The following DCLK2 variants were observed in gnomAD, a reference collection of about 807,000 sequenced individuals.
The protein encoded by DCLK2 is serine/threonine-protein kinase DCLK2.
DCLK2 carries 31 observed loss-of-function variants against 78.4 expected under a neutral mutation model. The ratio of observed to expected loss-of-function variants is 0.40; its 90% confidence interval spans 0.30 to 0.53. The LOEUF is 0.53. Among genes scored for constraint, DCLK2 ranks in the 20% least tolerant of loss-of-function variants. The pLI is 0.61. For synonymous variants in DCLK2, 407 were observed against 374.9 expected (o/e 1.09, Z -0.99); for missense variants, 872 against 973.7 (o/e 0.90, Z 1.39).
At chr4:150,126,574 G>A (rs1225931483) in intron 2 of DCLK2, among the ~76,000 whole-genome samples, 4 of 152,134 alleles carry the variant, frequency 2.6e-5, no homozygotes, top group African/African-American at 7.2e-5. Flanking sequence ...ATGGTAATAT[G>A]TATTTTAGGT....
At chr4:150,238,351 T>C (rs1315553638) in intron 10 of DCLK2, among the ~76,000 whole-genome samples, 3 of 152,208 alleles carry the variant, frequency 2.0e-5, no homozygotes, top group African/African-American at 7.2e-5. Context: ...TATGTTGCCC[T>C]TAGTTTTTAA....
At chr4:150,235,959 C>T (rs570328484) in intron 10 of DCLK2, among the ~76,000 whole-genome samples, 10 of 152,194 alleles carry the variant, frequency 6.6e-5, no homozygotes, top group African/African-American at 2.2e-4. Flanking sequence ...CTGGTGGTAC[C>T]GTGTCAGAGT....
Position 150,232,722 on chromosome 4 carries a change from A to T in DCLK2, c.1460A>T (p.Tyr487Phe), listed in dbSNP as rs775674700. ...GATGCAATTACTTCGTCGACCAAGT[A>T]CACTGAGAGAGATGGCAGTGCCATG... is the stretch of plus-strand genomic sequence containing the variant. ...LFDAITSSTK[Y>F]TERDGSAMVY... Residue 487 changes from tyrosine to phenylalanine, a missense_variant, in exon 10 of 16, where the codon TAC becomes TTC. Transcript: ENST00000296550. The T allele has an allele frequency of 5.0e-6, 8 of 1,614,130 alleles. No individual in the cohort carries two copies. Among genetic ancestry groups the T allele is most frequent in the Non-Finnish European group, 6.8e-6 (8 of 1,179,966 alleles).
chr4:150,103,119 A>C (rs908377774), intron 2 of DCLK2, among the ~76,000 whole-genome samples: 4 of 152,176 alleles, frequency 2.6e-5, no homozygotes, highest in Admixed American at 6.5e-5. Context: ...GAGACATCCT[A>C]CGTTAAATGG....
chr4:150,228,510 A>T (rs1270006539), intron 8 of DCLK2, among the ~76,000 whole-genome samples: 1 of 152,076 alleles, frequency 6.6e-6, no homozygotes, highest in African/African-American at 2.4e-5. Context: ...GGTAACCAAA[A>T]CCTCCACAAG....
Position 150,212,620 on chromosome 4 carries a change from A to T in DCLK2, c.1057-8083A>T, listed in dbSNP as rs145101041. Among the ~76,000 whole-genome samples, 563 of 152,324 alleles carry T rather than the reference A, an allele frequency of 3.7e-3. 3 individuals are homozygous for T. Among genetic ancestry groups the T allele is most frequent in the African/African-American group, 0.013 (543 of 41,570 alleles). ...AAGTGCCCTAACAAAATAAGTCATA[A>T]TGCATCTCACACTTTGAGGACAGTG... On this transcript the variant is annotated intron_variant, in intron 5 of 15. Coordinates refer to ENST00000296550, the MANE Select transcript of DCLK2 (RefSeq NM_001040260.4).
At chr4:150,142,397 C>A (rs2150215335) in intron 2 of DCLK2, among the ~76,000 whole-genome samples, 1 of 152,292 alleles carries the variant, frequency 6.6e-6, no homozygotes, top group South Asian at 2.1e-4. Flanking sequence ...GTTTCTAAAC[C>A]ATGGCACCCT....
At chr4:150,207,266 T>A (rs1475114721) in intron 5 of DCLK2, among the ~76,000 whole-genome samples, 1 of 152,138 alleles carries the variant, frequency 6.6e-6, no homozygotes, top group Non-Finnish European at 1.5e-5. Context: ...GGACACAGCT[T>A]TTGGCATTGA....
rs1738522754 is a variant in DCLK2 at position 150,192,444 on chromosome 4, C to T, written c.757-694C>T. Among the ~76,000 whole-genome samples, 3 of 143,902 alleles carry T rather than the reference C, an allele frequency of 2.1e-5. No homozygotes were observed. The South Asian group carries it at 6.6e-4, about 32-fold the overall frequency. 94.4% of individuals were successfully genotyped at this position (143,902 alleles called of 152,430 possible). ...GCAGTGAGCCGAAATCGCACCACTGCACTCCAGCCTGGTGACAGAGCAAGA... is the reference window on the plus strand; with the variant it reads ...GCAGTGAGCCGAAATCGCACCACTGTACTCCAGCCTGGTGACAGAGCAAGA... On this transcript the variant is annotated intron_variant, in intron 2 of 15. Coordinates refer to ENST00000296550, the MANE Select transcript of DCLK2 (RefSeq NM_001040260.4).
rs1348245109 is a variant in DCLK2 at position 150,175,116 on chromosome 4, ATT to A, written c.757-18017_757-18016del. 1.7e-4 allele frequency among the ~76,000 whole-genome samples: 16 copies of A among 91,536 alleles called. 1 individual carries two copies. The highest frequency in any genetic ancestry group is 5.8e-4 in the African/African-American group (9 of 15,416). 60.1% of individuals were successfully genotyped at this position (91,536 alleles called of 152,430 possible). A position where few individuals can be genotyped will look rare whatever the true frequency, so the allele number is the denominator to read the frequency against. On this transcript the variant is annotated intron_variant, in intron 2 of 15. Transcript: ENST00000296550. ...TATTTATATATATTTATATATTTATATTTTTTATATATATATAATTTATGTAT... is the reference window on the plus strand; with the variant it reads ...TATTTATATATATTTATATATTTATATTTTATATATATATAATTTATGTAT...
chr4:150,254,289 G>A (rs1397010682), intron 15 of DCLK2: 6 of 397,452 alleles, frequency 1.5e-5, no homozygotes, highest in Non-Finnish European at 2.7e-5. Flanking sequence ...GGAAGGATTT[G>A]GGTTTATTGC....
intron 2 of DCLK2, among the ~76,000 whole-genome samples, chr4:150,134,445 G>A (rs780749370): frequency 3.3e-5 from 5 of 152,068 alleles, no homozygotes; most frequent in East Asian, 3.9e-4. Context: ...AATTAGATAC[G>A]GCAGTGCTTG....
intron 8 of DCLK2, among the ~76,000 whole-genome samples, chr4:150,226,434 C>G (rs77207337): frequency 6.6e-6 from 1 of 151,472 alleles, no homozygotes; most frequent in African/African-American, 2.4e-5. Context: ...GTTCTGCTTT[C>G]GATGTGGTGG....
chr4:150,156,075 G>A (rs1280978877), intron 2 of DCLK2, among the ~76,000 whole-genome samples: 2 of 152,020 alleles, frequency 1.3e-5, no homozygotes, highest in Non-Finnish European at 2.9e-5. Flanking sequence ...TCTGCCAAGC[G>A]GTCGTTGTAA....
Position 150,218,847 on chromosome 4 carries a change from C to A in DCLK2, c.1057-1856C>A, listed in dbSNP as rs562838439. 1.4e-4 allele frequency among the ~76,000 whole-genome samples: 21 copies of A among 152,298 alleles called. No individual in the cohort carries two copies. In the East Asian group the frequency reaches 3.3e-3, roughly 24 times the overall value. On this transcript the variant is annotated intron_variant, in intron 5 of 15. Coordinates refer to ENST00000296550, the MANE Select transcript of DCLK2 (RefSeq NM_001040260.4). ...GGGGCAGGCAGTGATTAGCAGAGAT[C>A]TTTTTATCTTCTGAGATACAACTTT...
chr4:150,131,319 T>C (rs1057217290), intron 2 of DCLK2, among the ~76,000 whole-genome samples: 5 of 152,178 alleles, frequency 3.3e-5, no homozygotes, highest in African/African-American at 9.7e-5. Context: ...CACCTTAACA[T>C]TGGCCTAATA....
chr4:150,151,187 C>A (rs1322665378), intron 2 of DCLK2, among the ~76,000 whole-genome samples: 3 of 152,262 alleles, frequency 2.0e-5, no homozygotes, highest in Non-Finnish European at 2.9e-5. Flanking sequence ...CCTCCCACAT[C>A]ACATCCCAGC....
chr4:150,229,616 G>A (rs900881523), intron 8 of DCLK2, among the ~76,000 whole-genome samples: 1 of 152,060 alleles, frequency 6.6e-6, no homozygotes, highest in Non-Finnish European at 1.5e-5. Flanking sequence ...GTTTGAGAGA[G>A]TTGTTTTGTC....
intron 15 of DCLK2, among the ~76,000 whole-genome samples, chr4:150,250,755 C>G (rs1479695440): frequency 6.6e-5 from 10 of 151,612 alleles, no homozygotes; most frequent in Admixed American, 6.6e-4. Context: ...AGAAGGGAAA[C>G]AGTGGCATAT....
Sources: allele counts gnomAD v4.1 joint callset (sites outside exome capture counted in the v4.1 genomes callset), GRCh38; gene constraint gnomAD v4.1.1; transcripts MANE v1.5; gene names NCBI Gene and HGNC (gene_info 2026-07-23, HGNC 2026-07-21).